The following MAD1L1 variants were observed in gnomAD, a reference collection of about 807,000 sequenced individuals.
MAD1L1 encodes mitotic spindle assembly checkpoint protein MAD1.
In MAD1L1, 95 loss-of-function variants were observed where a neutral mutation model predicts 96.9. The observed-to-expected ratio is 0.98, with a 90% CI of 0.83 to 1.16. MAD1L1 has a LOEUF of 1.16. Among genes scored for constraint, MAD1L1 ranks in the 50% most tolerant of loss-of-function variants. The pLI is 0.00. For missense variants in MAD1L1, 1,007 were observed against 954.4 expected, an observed-to-expected ratio of 1.06 and a Z score of -0.73; for synonymous variants, 473 against 396.6, an observed-to-expected ratio of 1.19 and a Z score of -2.29.
intron 17 of MAD1L1, among the ~76,000 whole-genome samples, chr7:1,927,886 G>A (rs187459518): frequency 5.9e-5 from 9 of 152,078 alleles, no homozygotes; most frequent in Non-Finnish European, 7.4e-5. Context: ...GGCTCGTCAC[G>A]GGCTGGGAGA....
chr7:2,042,215 A>T (rs1417518423), intron 12 of MAD1L1, among the ~76,000 whole-genome samples: 1 of 130,680 alleles, frequency 7.7e-6, no homozygotes, highest in Non-Finnish European at 1.6e-5. Flanking sequence ...ACACGCACAC[A>T]GACGTGCACA....
intron 9 of MAD1L1, 38 bp downstream of exon 9, chr7:2,215,847 G>A (rs1250601996): frequency 6.3e-7 from 1 of 1,587,852 alleles, no homozygotes. Flanking sequence ...GCAGGGCAGA[G>A]GACACCCACA....
At chr7:1,931,877 G>A (rs1001186496) in intron 17 of MAD1L1, among the ~76,000 whole-genome samples, 1 of 152,156 alleles carries the variant, frequency 6.6e-6, no homozygotes, top group African/African-American at 2.4e-5. Context: ...CATGGCTCTT[G>A]GCAGCCATCC....
intron 15 of MAD1L1, among the ~76,000 whole-genome samples, chr7:1,965,859 C>A (rs995391621): frequency 4.6e-5 from 7 of 152,252 alleles, no homozygotes; most frequent in African/African-American, 1.7e-4. Context: ...CGAAGAGAGC[C>A]CCACGTCCCT....
chr7:2,186,753 T>G (rs1160603366), intron 10 of MAD1L1, among the ~76,000 whole-genome samples: 1 of 152,138 alleles, frequency 6.6e-6, no homozygotes, highest in African/African-American at 2.4e-5. Context: ...GCAGACACCA[T>G]TCTAGGCAGT....
At chr7:2,205,701 A>G (rs1183635432) in intron 10 of MAD1L1, among the ~76,000 whole-genome samples, 1 of 152,192 alleles carries the variant, frequency 6.6e-6, no homozygotes, top group Non-Finnish European at 1.5e-5. Flanking sequence ...TGCCGTTCTC[A>G]GTGCATTGGC....
chr7:1,921,512 A>G (rs1235787436), intron 17 of MAD1L1, among the ~76,000 whole-genome samples: 1 of 152,088 alleles, frequency 6.6e-6, no homozygotes, highest in Non-Finnish European at 1.5e-5. Context: ...TAGTAGAGAC[A>G]GGGTTTCACC....
intron 17 of MAD1L1, among the ~76,000 whole-genome samples, chr7:1,931,070 C>G (rs1367441409): frequency 1.4e-5 from 2 of 147,658 alleles, no homozygotes; most frequent in African/African-American, 2.6e-5. Context: ...CAACTCCTCA[C>G]CCCACCCACG....
chr7:1,981,110 G>A (rs1188836004), intron 14 of MAD1L1, among the ~76,000 whole-genome samples: 1 of 152,202 alleles, frequency 6.6e-6, no homozygotes, highest in Non-Finnish European at 1.5e-5. Context: ...GGGACTACAG[G>A]CGCGTGCTGC....
intron 14 of MAD1L1, among the ~76,000 whole-genome samples, chr7:1,984,627 T>G (rs1000340500): frequency 4.6e-5 from 7 of 152,250 alleles, no homozygotes; most frequent in African/African-American, 1.7e-4. Flanking sequence ...TCTGAGCGGC[T>G]TCTGGCTTGA....
At chr7:2,017,401 C>G (rs1782589765) in intron 12 of MAD1L1, among the ~76,000 whole-genome samples, 1 of 152,212 alleles carries the variant, frequency 6.6e-6, no homozygotes, top group Admixed American at 6.5e-5. Flanking sequence ...CATCATGCAA[C>G]GAACGGCCAT....
chr7:2,178,066 G>A (rs1791027498), intron 10 of MAD1L1, among the ~76,000 whole-genome samples: 1 of 152,200 alleles, frequency 6.6e-6, no homozygotes, highest in East Asian at 1.9e-4. Flanking sequence ...GAACTGAAGA[G>A]GGAAGTTTTA....
intron 18 of MAD1L1, among the ~76,000 whole-genome samples, chr7:1,874,330 G>T (rs531369008): frequency 3.9e-5 from 6 of 152,268 alleles, no homozygotes; most frequent in African/African-American, 1.2e-4. Flanking sequence ...GACAGAGGGG[G>T]TGACCGTGGC....
intron 4 of MAD1L1, among the ~76,000 whole-genome samples, chr7:2,225,025 G>C (rs1318160963): frequency 6.6e-6 from 1 of 152,202 alleles, no homozygotes; most frequent in Admixed American, 6.5e-5. Flanking sequence ...CCCAGCAAAA[G>C]AATCTGTGCC....
intron 11 of MAD1L1, among the ~76,000 whole-genome samples, chr7:2,106,840 A>T (rs779360939): frequency 8.5e-5 from 13 of 152,176 alleles, no homozygotes; most frequent in Non-Finnish European, 1.8e-4. Flanking sequence ...GTCACCCTTC[A>T]GCCCCCAGGA....
At chr7:1,843,804 C>G (rs1583528061) in intron 18 of MAD1L1, among the ~76,000 whole-genome samples, 1 of 152,234 alleles carries the variant, frequency 6.6e-6, no homozygotes, top group Non-Finnish European at 1.5e-5. Flanking sequence ...AATTCACCTC[C>G]TACCCAGACA....
chr7:1,880,575 C>T (rs560738084), intron 18 of MAD1L1, among the ~76,000 whole-genome samples: 1 of 152,328 alleles, frequency 6.6e-6, no homozygotes, highest in African/African-American at 2.4e-5. Context: ...AGTGGGCCCT[C>T]AATTTGGCAA....
At chr7:1,897,427 C>A (rs754834330) in intron 18 of MAD1L1, among the ~76,000 whole-genome samples, 3 of 152,152 alleles carry the variant, frequency 2.0e-5, no homozygotes, top group Non-Finnish European at 4.4e-5. Context: ...GACGGGGCCA[C>A]GAGGTCATGC....
intron 15 of MAD1L1, among the ~76,000 whole-genome samples, chr7:1,969,721 G>A (rs1382217613): frequency 6.6e-6 from 1 of 152,154 alleles, no homozygotes; most frequent in Non-Finnish European, 1.5e-5. Context: ...CCCTGTATTA[G>A]GAACAAGCAA....
Sources: allele counts gnomAD v4.1 joint callset (sites outside exome capture counted in the v4.1 genomes callset), GRCh38; gene constraint gnomAD v4.1.1; transcripts MANE v1.5; gene names NCBI Gene and HGNC (gene_info 2026-07-23, HGNC 2026-07-21).